Variants in WDR25 observed in about 807,000 individuals in gnomAD.
The protein encoded by WDR25 is WD repeat domain 25.
Under a neutral mutation model 47.7 loss-of-function variants are expected in WDR25, and 35 were observed. The observed-to-expected ratio is 0.73, with a 90% CI of 0.56 to 0.97. The LOEUF (loss-of-function observed/expected upper bound fraction) is 0.97, where lower values mean the gene tolerates loss of function less well. WDR25 is among the 50% of genes least tolerant of loss of function. WDR25 has a pLI of 0.00. For missense variants in WDR25, 634 were observed against 704.7 expected (o/e 0.90, Z 1.14); for synonymous variants, 248 against 278.9 (o/e 0.89, Z 1.10).
chr14:100,474,883 A>C (rs1465207442), intron 3 of WDR25, among the ~76,000 whole-genome samples: 8 of 152,352 alleles, frequency 5.3e-5, no homozygotes, highest in Middle Eastern at 3.4e-3. Context: ...GAAAGTTTGC[A>C]AATCATACAT....
intron 4 of WDR25, among the ~76,000 whole-genome samples, chr14:100,486,517 G>C (rs774388422): frequency 6.6e-6 from 1 of 152,214 alleles, no homozygotes. Context: ...GTTTGCATCA[G>C]TTGGGCTCAG....
In WDR25 at chr14:100,424,397, T is replaced by C. The variant is rs1247196825; in HGVS notation, c.822+42651T>C. Among the ~76,000 whole-genome samples, 2 of 152,206 alleles carry C rather than the reference T, an allele frequency of 1.3e-5. No homozygotes were observed. Among genetic ancestry groups the C allele is most frequent in the East Asian group, 3.8e-4 (2 of 5,198 alleles). Reference sequence around the variant, plus strand: ...CAGCACCTGTTATCCTAATTAAACCTCAGACCTTGTTTGCATGTTAAGAGT... The same window carrying C: ...CAGCACCTGTTATCCTAATTAAACCCCAGACCTTGTTTGCATGTTAAGAGT... On this transcript the variant is annotated intron_variant, in intron 2 of 6. Transcript: ENST00000402312. The surrounding 1 kb of genome is among the most constrained non-coding windows in gnomAD (Gnocchi z 4.2).
At chr14:100,445,728 C>T (rs1053337235) in intron 2 of WDR25, among the ~76,000 whole-genome samples, 1 of 152,152 alleles carries the variant, frequency 6.6e-6, no homozygotes, top group African/African-American at 2.4e-5. Context: ...ATTTAGCTTC[C>T]GACCTCCCTG....
chr14:100,515,618 C>T (rs570808859), intron 4 of WDR25, among the ~76,000 whole-genome samples: 26 of 151,930 alleles, frequency 1.7e-4, no homozygotes, highest in Admixed American at 1.7e-3. Context: ...ATTTATTGTT[C>T]TTTTCTATTT....
rs534165959 is a variant in WDR25 at position 100,428,423 on chromosome 14, G to C, written c.823-39598G>C. 2.6e-5 allele frequency among the ~76,000 whole-genome samples: 4 copies of C among 152,350 alleles called. No homozygotes were observed. The East Asian group carries it at 7.7e-4, about 29-fold the overall frequency. ...CGGGTCTTGGGTCTGCCACTCACCA[G>C]CCTGGTGTGGGCAGCCATTTTAGCC... On this transcript the variant is annotated intron_variant, in intron 2 of 6. Coordinates refer to ENST00000402312, the MANE Select transcript of WDR25 (RefSeq NM_001161476.3). This position sits in a 1 kb window ranked among gnomAD's most constrained non-coding sequence, Gnocchi z 4.3.
intron 2 of WDR25, among the ~76,000 whole-genome samples, chr14:100,448,567 G>C (rs1473663072): frequency 1.3e-5 from 2 of 152,136 alleles, no homozygotes; most frequent in Non-Finnish European, 2.9e-5. Context: ...CATCTGTATA[G>C]TGGCCCAGTT....
rs941829365 is a variant in WDR25 at position 100,525,585 on chromosome 14, G to A, written c.1102-285G>A. 3.3e-5 allele frequency among the ~76,000 whole-genome samples: 5 copies of A among 152,158 alleles called. No homozygotes were observed. The highest frequency in any genetic ancestry group is 6.5e-5 in the Admixed American group (1 of 15,270). On this transcript the variant is annotated intron_variant, in intron 4 of 6. Transcript: ENST00000402312. The surrounding 1 kb of genome is among the most constrained non-coding windows in gnomAD (Gnocchi z 4.6). Reference sequence around the variant, plus strand: ...GGCGAGTCAAGGCCCTTCCCTTTGCGCTTTCCCTGGGATCCTGCTGCTCTC... The same window carrying A: ...GGCGAGTCAAGGCCCTTCCCTTTGCACTTTCCCTGGGATCCTGCTGCTCTC...
chr14:100,424,495 T>C lies in WDR25; in HGVS notation c.822+42749T>C, dbSNP rs888266510. On this transcript the variant is annotated intron_variant, in intron 2 of 6. Coordinates refer to ENST00000402312, the MANE Select transcript of WDR25 (RefSeq NM_001161476.3). The surrounding 1 kb of genome is among the most constrained non-coding windows in gnomAD (Gnocchi z 4.2). ...CTTTCTTGTATCAAGAGGAACAAAA[T>C]GGCATGAGATTGGGACCTGGGAGCA... Among the ~76,000 whole-genome samples, 3 of 152,192 alleles carry C rather than the reference T, an allele frequency of 2.0e-5. No homozygotes were observed. The highest frequency in any genetic ancestry group is 4.4e-5 in the Non-Finnish European group (3 of 68,028).
At chr14:100,389,545 G>T (rs1490338246) in intron 2 of WDR25, among the ~76,000 whole-genome samples, 1 of 152,180 alleles carries the variant, frequency 6.6e-6, no homozygotes, top group Non-Finnish European at 1.5e-5. Context: ...GGGGACAGAA[G>T]CCCTGAGGGG....
chr14:100,377,027 G>A (rs1297101207), intron 1 of WDR25, among the ~76,000 whole-genome samples: 7 of 152,164 alleles, frequency 4.6e-5, no homozygotes, highest in African/African-American at 1.7e-4. Flanking sequence ...CAGTGTCCCT[G>A]CCTTCCCTTC....
chr14:100,514,089 C>T lies in WDR25; in HGVS notation c.1102-11781C>T, dbSNP rs574545636. 2.2e-3 allele frequency among the ~76,000 whole-genome samples: 327 copies of T among 152,076 alleles called. 2 individuals are homozygous for T. The highest frequency in any genetic ancestry group is 7.8e-3 in the African/African-American group (323 of 41,496). ...TAGCTGGGACTACAGGCGCCCGCCACCACGCCCGGCTAATTTTTTTGTATT... is the reference window on the plus strand; with the variant it reads ...TAGCTGGGACTACAGGCGCCCGCCATCACGCCCGGCTAATTTTTTTGTATT... On this transcript the variant is annotated intron_variant, in intron 4 of 6. Coordinates refer to ENST00000402312, the MANE Select transcript of WDR25 (RefSeq NM_001161476.3).
rs373670890 is a variant in WDR25, at chr14:100,463,446, T to C, written c.823-4575T>C. 7.2e-5 allele frequency among the ~76,000 whole-genome samples: 11 copies of C among 152,218 alleles called. 1 individual carries two copies. The highest frequency in any genetic ancestry group is 2.6e-4 in the African/African-American group (11 of 41,534). ...TCCTCTTCTGTTTTTTTCCCACACT[T>C]CACTGGCCTCTTCTTAGACTCCTTT... is the stretch of plus-strand genomic sequence containing the variant. On this transcript the variant is annotated intron_variant, in intron 2 of 6. Transcript: ENST00000402312.
chr14:100,422,535 A>G (rs1054728359), intron 2 of WDR25, among the ~76,000 whole-genome samples: 3 of 152,216 alleles, frequency 2.0e-5, no homozygotes, highest in Non-Finnish European at 4.4e-5. Flanking sequence ...ACTGGCATTT[A>G]TAGATGTACA....
intron 4 of WDR25, among the ~76,000 whole-genome samples, chr14:100,512,293 C>T (rs748077378): frequency 9.9e-5 from 15 of 152,132 alleles, no homozygotes; most frequent in Non-Finnish European, 1.2e-4. Flanking sequence ...TAGGGCTATT[C>T]TGATTTTCTA....
At chr14:100,410,253 G>C (rs1030327478) in intron 2 of WDR25, among the ~76,000 whole-genome samples, 1 of 152,162 alleles carries the variant, frequency 6.6e-6, no homozygotes, top group African/African-American at 2.4e-5. Flanking sequence ...GCTTCCTGAG[G>C]TTTTTACATA....
intron 2 of WDR25, among the ~76,000 whole-genome samples, chr14:100,431,471 G>T (rs1470794293): frequency 6.6e-6 from 1 of 152,014 alleles, no homozygotes; most frequent in African/African-American, 2.4e-5. Flanking sequence ...TTAATATTGA[G>T]GATGATATGC....
At chr14:100,435,230 G>T (rs1235443373) in intron 2 of WDR25, among the ~76,000 whole-genome samples, 4 of 152,234 alleles carry the variant, frequency 2.6e-5, no homozygotes, top group Non-Finnish European at 5.9e-5. Flanking sequence ...ACTTGTGAAT[G>T]ACGGGTGTAC....
chr14:100,376,644 C>T, intron 1 of WDR25, 149 bp downstream of exon 1: 2 of 1,231,854 alleles, frequency 1.6e-6, no homozygotes. Flanking sequence ...CTTGGACCAA[C>T]CTTACTTCTT....
intron 4 of WDR25, among the ~76,000 whole-genome samples, chr14:100,495,311 C>T (rs537454100): frequency 7.2e-5 from 11 of 152,230 alleles, no homozygotes; most frequent in African/African-American, 2.4e-4. Context: ...GAGCTGAGAC[C>T]GTGTCATTGT....
Sources: gnomAD v4.1 joint callset for allele counts (sites outside exome capture counted in the v4.1 genomes callset) on GRCh38, gnomAD v4.1.1 for gene constraint, Gnocchi (gnomAD v3.1) non-coding constraint, MANE v1.5 for transcripts, NCBI Gene and HGNC (gene_info 2026-07-23, HGNC 2026-07-21) for gene names.